Variants in PHF20L1 observed in about 807,000 individuals in gnomAD.
PHF20L1 encodes PHD finger protein 20 like 1, also known as PHD finger protein 20-like protein 1.
In PHF20L1, 44 loss-of-function variants were observed where a neutral mutation model predicts 125.5. The observed-to-expected ratio is 0.35, with a 90% confidence interval of 0.28 to 0.45. PHF20L1 has a LOEUF of 0.45. Among genes scored for constraint, PHF20L1 ranks in the 20% least tolerant of loss-of-function variants. The pLI, the probability that PHF20L1 is intolerant of heterozygous loss-of-function variation, is 1.00. For synonymous variants in PHF20L1, 380 were observed against 403.1 expected, an observed-to-expected ratio of 0.94 and a Z score of 0.69; for missense variants, 1,012 against 1,217.2, an observed-to-expected ratio of 0.83 and a Z score of 2.51.
intron 19 of PHF20L1, 50 bp downstream of exon 19, chr8:132,842,925 AG>A (rs1225771319): frequency 6.6e-7 from 1 of 1,525,766 alleles, no homozygotes; most frequent in South Asian, 1.3e-5. Context: ...AGAAGAACAA[AG>A]GAAAATTTTA....
intron 8 of PHF20L1, 129 bp downstream of exon 8, chr8:132,804,869 T>C (rs1833503117): frequency 6.4e-6 from 5 of 782,036 alleles, no homozygotes; most frequent in South Asian, 1.9e-5. Context: ...GACAATTACT[T>C]TGTGGTTCTT....
At chr8:132,835,845 T>C (rs975315882) in intron 15 of PHF20L1, among the ~76,000 whole-genome samples, 1 of 152,114 alleles carries the variant, frequency 6.6e-6, no homozygotes, top group Non-Finnish European at 1.5e-5. Flanking sequence ...GTGCTTAATA[T>C]AGCACTGTGT....
At chr8:132,795,381 T>C (rs1030232955) in intron 4 of PHF20L1, among the ~76,000 whole-genome samples, 1 of 152,108 alleles carries the variant, frequency 6.6e-6, no homozygotes, top group Non-Finnish European at 1.5e-5. Context: ...CAAAGTTGCT[T>C]AAGTAATCAA....
At chr8:132,790,902 T>TTTGTATACACTTA (rs1831615432) in intron 2 of PHF20L1, among the ~76,000 whole-genome samples, 1 of 152,174 alleles carries the variant, frequency 6.6e-6, no homozygotes, top group Admixed American at 6.5e-5. Flanking sequence ...ATATACAGTT[T>TTTGTATACACTTA]TTGTATACAC....
intron 1 of PHF20L1, among the ~76,000 whole-genome samples, 168 bp from the exon 2 acceptor site, chr8:132,777,624 T>C (rs1186395049): frequency 6.6e-6 from 1 of 152,250 alleles, no homozygotes; most frequent in Non-Finnish European, 1.5e-5. Context: ...GAACTTTATA[T>C]AGAGATGTTG....
intron 2 of PHF20L1, among the ~76,000 whole-genome samples, chr8:132,790,548 T>A (rs1831568193): frequency 6.6e-6 from 1 of 152,322 alleles, no homozygotes; most frequent in African/African-American, 2.4e-5. Flanking sequence ...CCATCTGATG[T>A]CTTACTAGTC....
intron 1 of PHF20L1, among the ~76,000 whole-genome samples, chr8:132,776,355 C>T (rs78194879): frequency 1.3e-5 from 2 of 152,152 alleles, no homozygotes; most frequent in Admixed American, 6.6e-5. Flanking sequence ...TTACTGAATT[C>T]TTCCTGTGAC....
intron 9 of PHF20L1, among the ~76,000 whole-genome samples, chr8:132,813,441 C>A (rs1052051413): frequency 6.6e-6 from 1 of 151,872 alleles, no homozygotes; most frequent in Non-Finnish European, 1.5e-5. Flanking sequence ...CACTTTTCTT[C>A]CCCAGCAAAA....
chr8:132,790,479 G>T (rs1040360405), intron 2 of PHF20L1, among the ~76,000 whole-genome samples: 1 of 152,092 alleles, frequency 6.6e-6, no homozygotes, highest in Non-Finnish European at 1.5e-5. Context: ...TAGAATAAAG[G>T]ATTGTTTCAT....
chr8:132,837,959 A>G lies in PHF20L1; in HGVS notation c.2191+148A>G, dbSNP rs760542513. The stretch of plus-strand genomic sequence containing the variant: ...CTTGGAAACTGTGACTCCAAATGAA[A>G]CAGCATGCTATATGCCATAGGAACT... On this transcript the variant is annotated intron_variant, in intron 17 of 20. Transcript: ENST00000395386. 2.5e-4 allele frequency: 153 copies of G among 617,764 alleles called. 1 individual carries two copies. The highest frequency in any genetic ancestry group is 7.0e-4 in the Admixed American group (31 of 44,404). The allele number at this position is 617,764 out of a possible 1,614,324, so 38.3% of individuals were successfully genotyped here. A position where few individuals can be genotyped will look rare whatever the true frequency, so the allele number is the denominator to read the frequency against.
Position 132,775,651 on chromosome 8 carries a change from A to T in PHF20L1, c.-38+6A>T, listed in dbSNP as rs1829589670. ...GCAGAGAGGAGGCCGAGTCGGTAAGAGGCGGCGGCGGCTGAGCCGGCAGGC... is the reference window on the plus strand; with the variant it reads ...GCAGAGAGGAGGCCGAGTCGGTAAGTGGCGGCGGCGGCTGAGCCGGCAGGC... On this transcript the variant is annotated splice_donor_region_variant and intron_variant, in intron 1 of 20. Coordinates refer to ENST00000395386, the MANE Select transcript of PHF20L1 (RefSeq NM_016018.5). The T allele has an allele frequency of 3.0e-6, 1 of 336,254 alleles. No individual in the cohort carries two copies. Among genetic ancestry groups the T allele is most frequent in the Non-Finnish European group, 5.4e-6 (1 of 186,224 alleles). The allele number at this position is 336,254 out of a possible 1,614,324, so 20.8% of individuals were successfully genotyped here.
intron 15 of PHF20L1, among the ~76,000 whole-genome samples, chr8:132,835,364 A>C (rs555416096): frequency 2.6e-5 from 4 of 152,270 alleles, no homozygotes; most frequent in African/African-American, 9.6e-5. Flanking sequence ...CTCACACAGC[A>C]TTATACGATG....
At chr8:132,794,305 T>C in intron 2 of PHF20L1, 105 bp from the exon 3 acceptor site, 1 of 646,988 alleles carries the variant, frequency 1.5e-6, no homozygotes, top group East Asian at 2.7e-5. Context: ...TATTGTTTTC[T>C]TCATGGTTTT....
At chr8:132,777,444 A>G (rs1477709190) in intron 1 of PHF20L1, among the ~76,000 whole-genome samples, 1 of 152,226 alleles carries the variant, frequency 6.6e-6, no homozygotes, top group African/African-American at 2.4e-5. Context: ...CAAAGGCAGG[A>G]AAGCATTTTC....
At chr8:132,791,589 C>T (rs1374482787) in intron 2 of PHF20L1, among the ~76,000 whole-genome samples, 1 of 152,116 alleles carries the variant, frequency 6.6e-6, no homozygotes, top group African/African-American at 2.4e-5. Context: ...CCAATAGTGC[C>T]TAGCAAGTGC....
At chr8:132,828,483 A>G (rs1406836604) in intron 14 of PHF20L1, among the ~76,000 whole-genome samples, 1 of 152,048 alleles carries the variant, frequency 6.6e-6, no homozygotes, top group Non-Finnish European at 1.5e-5. Context: ...CTGTTTATCA[A>G]ACTGTGTATT....
chr8:132,845,719 T>G (rs1838373770), intron 20 of PHF20L1, 62 bp from the exon 21 acceptor site: 2 of 1,201,066 alleles, frequency 1.7e-6, no homozygotes, highest in Non-Finnish European at 2.5e-6. Flanking sequence ...TTCTGATTGT[T>G]TCATTTTCTG....
intron 8 of PHF20L1, chr8:132,807,477 G>C (rs1290336337): frequency 1.9e-5 from 5 of 259,478 alleles, no homozygotes. Context: ...ATTTCAGTTA[G>C]CTTAGGTGTG....
chr8:132,797,725 GAAAT>G (rs1381987521), intron 4 of PHF20L1, among the ~76,000 whole-genome samples: 1 of 151,288 alleles, frequency 6.6e-6, no homozygotes, highest in East Asian at 1.9e-4. Context: ...ATTATAGAAA[GAAAT>G]AAAATCAAAT....
Sources: allele counts gnomAD v4.1 joint callset (sites outside exome capture counted in the v4.1 genomes callset), GRCh38; gene constraint gnomAD v4.1.1; transcripts MANE v1.5; gene names NCBI Gene and HGNC (gene_info 2026-07-23, HGNC 2026-07-21).